The following AGBL4 variants were observed in gnomAD, a reference collection of about 807,000 sequenced individuals.
The protein encoded by AGBL4 is cytosolic carboxypeptidase 6.
Under a neutral mutation model 66.4 loss-of-function variants are expected in AGBL4, and 58 were observed. That is an observed-to-expected ratio of 0.87 (90% CI 0.71 to 1.09). AGBL4 has a LOEUF of 1.09. AGBL4 is among the 50% of genes least tolerant of loss of function. The pLI is 0.00. For synonymous variants in AGBL4, 234 were observed against 222.9 expected, an observed-to-expected ratio of 1.05 and a Z score of -0.44; for missense variants, 579 against 631.0, an observed-to-expected ratio of 0.92 and a Z score of 0.88.
At chr1:48,658,838 T>G (rs1358985907) in intron 7 of AGBL4, among the ~76,000 whole-genome samples, 1 of 100,774 alleles carries the variant, frequency 9.9e-6, no homozygotes, top group Non-Finnish European at 2.0e-5. Flanking sequence ...GAGCATGGTG[T>G]GTGCATGTGT....
intron 6 of AGBL4, among the ~76,000 whole-genome samples, chr1:48,864,328 T>G (rs1396688032): frequency 6.6e-6 from 1 of 152,186 alleles, no homozygotes; most frequent in Non-Finnish European, 1.5e-5. Context: ...ACTCTTACAT[T>G]CTGCTATTGG....
chr1:48,686,010 C>T (rs1646525502), intron 6 of AGBL4, among the ~76,000 whole-genome samples: 1 of 152,156 alleles, frequency 6.6e-6, no homozygotes, highest in Non-Finnish European at 1.5e-5. Flanking sequence ...AACTGAGGCT[C>T]AGTATGGTCA....
chr1:48,783,481 C>G (rs1645343525), intron 6 of AGBL4, among the ~76,000 whole-genome samples: 1 of 152,276 alleles, frequency 6.6e-6, no homozygotes, highest in South Asian at 2.1e-4. Context: ...GGAATGTAAA[C>G]TTGTCATGTA....
At chr1:49,195,802 G>C (rs550885250) in intron 4 of AGBL4, among the ~76,000 whole-genome samples, 28 of 152,054 alleles carry the variant, frequency 1.8e-4, no homozygotes, top group African/African-American at 6.3e-4. Context: ...ATATGGTTTG[G>C]CTGTGTCCCC....
chr1:49,743,366 C>T (rs916927424), intron 2 of AGBL4, among the ~76,000 whole-genome samples: 4 of 152,162 alleles, frequency 2.6e-5, no homozygotes, highest in African/African-American at 7.2e-5. Flanking sequence ...CCATCTCACA[C>T]CAGTTAGAAT....
intron 5 of AGBL4, among the ~76,000 whole-genome samples, chr1:48,927,440 G>T (rs1040627863): frequency 1.3e-5 from 2 of 152,088 alleles, no homozygotes; most frequent in African/African-American, 4.8e-5. Context: ...CCTCTCACCA[G>T]GTCCCTCCCA....
intron 3 of AGBL4, among the ~76,000 whole-genome samples, chr1:49,387,484 T>C (rs1644759181): frequency 6.6e-6 from 1 of 151,880 alleles, no homozygotes; most frequent in Non-Finnish European, 1.5e-5. Flanking sequence ...GCCTGTCAGC[T>C]TATAGACTCC....
intron 6 of AGBL4, among the ~76,000 whole-genome samples, chr1:48,813,271 A>T (rs1646099203): frequency 6.6e-6 from 1 of 152,218 alleles, no homozygotes; most frequent in Non-Finnish European, 1.5e-5. Flanking sequence ...GCTGAGAGAC[A>T]TGAATTCAAT....
At chr1:49,863,099 A>G (rs1461552233) in intron 1 of AGBL4, among the ~76,000 whole-genome samples, 2 of 152,200 alleles carry the variant, frequency 1.3e-5, no homozygotes, top group African/African-American at 4.8e-5. Context: ...ACAGACACAT[A>G]TACCAATGGA....
chr1:48,696,689 C>T (rs530599923), intron 6 of AGBL4, among the ~76,000 whole-genome samples: 1 of 152,166 alleles, frequency 6.6e-6, no homozygotes, highest in Non-Finnish European at 1.5e-5. Context: ...CCAGGAGGGG[C>T]TTCACTCAGC....
chr1:48,579,490 C>T (rs1644703873), intron 11 of AGBL4, among the ~76,000 whole-genome samples: 1 of 151,786 alleles, frequency 6.6e-6, no homozygotes, highest in Non-Finnish European at 1.5e-5. Flanking sequence ...ATCCACCCGC[C>T]TCAGCCTCCC....
intron 5 of AGBL4, among the ~76,000 whole-genome samples, chr1:48,957,166 T>C (rs772155656): frequency 1.3e-5 from 2 of 152,170 alleles, no homozygotes; most frequent in Non-Finnish European, 2.9e-5. Context: ...TTTGCTATTA[T>C]TACATATATA....
chr1:49,875,123 A>G (rs190690532), intron 1 of AGBL4, among the ~76,000 whole-genome samples: 1,435 of 142,638 alleles, frequency 0.01, 14 homozygotes, highest in Non-Finnish European at 0.012. Flanking sequence ...GATGATTTCC[A>G]ATTTCTTTTT....
intron 1 of AGBL4, among the ~76,000 whole-genome samples, chr1:49,935,996 T>C (rs899070792): frequency 6.6e-6 from 1 of 152,146 alleles, no homozygotes; most frequent in African/African-American, 2.4e-5. Flanking sequence ...AGAATGACTT[T>C]GATGAGTTGA....
chr1:48,911,429 A>C (rs1218614105), intron 5 of AGBL4, among the ~76,000 whole-genome samples: 1 of 151,968 alleles, frequency 6.6e-6, no homozygotes. Context: ...CATCCTGGCT[A>C]ACACGGTGAA....
chr1:49,308,238 A>T (rs934160670), intron 3 of AGBL4, among the ~76,000 whole-genome samples: 49 of 152,200 alleles, frequency 3.2e-4, no homozygotes, highest in African/African-American at 1.2e-3. Flanking sequence ...TCTTTACAGC[A>T]GTCCAAGAAC....
intron 6 of AGBL4, among the ~76,000 whole-genome samples, chr1:48,806,143 A>G (rs1370043349): frequency 6.6e-6 from 1 of 152,018 alleles, no homozygotes; most frequent in Non-Finnish European, 1.5e-5. Context: ...AAATAATCAC[A>G]CCTTTCACAT....
At chr1:49,125,177 G>A (rs1645740851) in intron 4 of AGBL4, among the ~76,000 whole-genome samples, 1 of 151,938 alleles carries the variant, frequency 6.6e-6, no homozygotes. Context: ...AGCATATTTT[G>A]GTGCATTTTC....
intron 2 of AGBL4, among the ~76,000 whole-genome samples, chr1:49,829,877 C>T (rs1266235360): frequency 2.6e-5 from 4 of 152,106 alleles, no homozygotes; most frequent in African/African-American, 9.7e-5. Flanking sequence ...GTTTGCTTTT[C>T]TCTTCTTGTG....
Sources: gnomAD v4.1 joint callset for allele counts (sites outside exome capture counted in the v4.1 genomes callset) on GRCh38, gnomAD v4.1.1 for gene constraint, MANE v1.5 for transcripts, NCBI Gene and HGNC (gene_info 2026-07-23, HGNC 2026-07-21) for gene names.